Variants in NCOA2 observed in about 807,000 individuals in gnomAD.
NCOA2 encodes nuclear receptor coactivator 2, also known as class E basic helix-loop-helix protein 75.
NCOA2 carries 21 observed loss-of-function variants against 145.1 expected under a neutral mutation model. The ratio of observed to expected loss-of-function variants is 0.14; its 90% CI spans 0.10 to 0.21. NCOA2 has a LOEUF of 0.21. Ranked by LOEUF, NCOA2 falls within the 10% of genes least tolerant of loss-of-function variation. The pLI, the probability that NCOA2 is intolerant of heterozygous loss-of-function variation, is 1.00. For synonymous variants in NCOA2, 619 were observed against 637.5 expected (o/e 0.97, Z 0.44); for missense variants, 1,472 against 1,837.6 (o/e 0.80, Z 3.64).
chr8:70,138,530 A>G (rs1810005212), intron 14 of NCOA2, among the ~76,000 whole-genome samples, 198 bp from the exon 15 acceptor site: 1 of 152,256 alleles, frequency 6.6e-6, no homozygotes, highest in Non-Finnish European at 1.5e-5. Flanking sequence ...TTCAGAGAAT[A>G]TCTAGACAAG....
chr8:70,365,133 G>C (rs1209460231), intron 1 of NCOA2, among the ~76,000 whole-genome samples: 1 of 152,062 alleles, frequency 6.6e-6, no homozygotes, highest in Non-Finnish European at 1.5e-5. Context: ...AGGTGTTTGA[G>C]ACCAGCCTGG....
At chr8:70,430,745 G>A in the NCOA2 span, among the ~76,000 whole-genome samples, 1 of 152,178 alleles carries the variant, frequency 6.6e-6, no homozygotes, top group Non-Finnish European at 1.5e-5. Flanking sequence ...GAGTGAGGAG[G>A]AAGACACACA....
chr8:70,250,000 A>AGAC (rs1823000109), intron 2 of NCOA2, among the ~76,000 whole-genome samples: 4 of 150,678 alleles, frequency 2.7e-5, no homozygotes, highest in Non-Finnish European at 5.9e-5. Flanking sequence ...AAGAAGAAGA[A>AGAC]GACCAAAAAA....
At chr8:70,416,045 G>A in the NCOA2 span, among the ~76,000 whole-genome samples, 24 of 152,144 alleles carry the variant, frequency 1.6e-4, no homozygotes, top group Non-Finnish European at 3.5e-4. Context: ...TTAAGGATTT[G>A]GCTCATGCAA....
intron 1 of NCOA2, among the ~76,000 whole-genome samples, chr8:70,312,729 G>A (rs965353165): frequency 1.3e-5 from 2 of 152,128 alleles, no homozygotes; most frequent in African/African-American, 4.8e-5. Context: ...TAACACGACA[G>A]TGTCCCTTTT....
chr8:70,327,119 T>A (rs193075829), intron 1 of NCOA2, among the ~76,000 whole-genome samples: 9 of 152,368 alleles, frequency 5.9e-5, no homozygotes, highest in Non-Finnish European at 1.3e-4. Context: ...TCGAGGAGAT[T>A]AATACATTCG....
intron 11 of NCOA2, among the ~76,000 whole-genome samples, chr8:70,155,652 T>C (rs1398501397): frequency 6.6e-6 from 1 of 152,228 alleles, no homozygotes; most frequent in Non-Finnish European, 1.5e-5. Flanking sequence ...TTCAAGTTTG[T>C]TTACACAGTG....
At chr8:70,372,488 A>G (rs755117591) in intron 1 of NCOA2, among the ~76,000 whole-genome samples, 1 of 152,192 alleles carries the variant, frequency 6.6e-6, no homozygotes. Context: ...CTCTTTTCAG[A>G]GAATTGCCAC....
At chr8:70,135,522 T>C (rs1196630404) in intron 15 of NCOA2, among the ~76,000 whole-genome samples, 1 of 152,186 alleles carries the variant, frequency 6.6e-6, no homozygotes, top group African/African-American at 2.4e-5. Context: ...GCCTTGTGGC[T>C]TGGTGTTATA....
rs528705643 is a variant in NCOA2, at chr8:70,113,577, A to C, written c.*55T>G. ...AATAGACACAGCTCTCCAGACTGGAAGTGTTTTGAGCAAGTGAGCCCGGTC... is the reference window on the plus strand; with the variant it reads ...AATAGACACAGCTCTCCAGACTGGACGTGTTTTGAGCAAGTGAGCCCGGTC... On this transcript the variant is annotated 3_prime_UTR_variant, in exon 23 of 23. Coordinates refer to ENST00000452400, the MANE Select transcript of NCOA2 (RefSeq NM_006540.4). 973 of 1,541,670 alleles carry C rather than the reference A, an allele frequency of 6.3e-4. 9 individuals carry two copies. In the South Asian group the frequency reaches 0.011, roughly 17 times the overall value.
At chr8:70,418,956 A>G in the NCOA2 span, among the ~76,000 whole-genome samples, 1 of 152,178 alleles carries the variant, frequency 6.6e-6, no homozygotes, top group African/African-American at 2.4e-5. Context: ...AATGTGATGT[A>G]TCTGTAGTAA....
chr8:70,176,043 T>C (rs1362197713), intron 4 of NCOA2, among the ~76,000 whole-genome samples: 1 of 152,206 alleles, frequency 6.6e-6, no homozygotes, highest in Non-Finnish European at 1.5e-5. Flanking sequence ...AAGCTCAAAC[T>C]CAGTCACTAA....
intron 1 of NCOA2, among the ~76,000 whole-genome samples, chr8:70,335,242 A>G (rs1807485368): frequency 6.7e-6 from 1 of 150,084 alleles, no homozygotes; most frequent in African/African-American, 2.5e-5. Flanking sequence ...TGCCCCCCAT[A>G]CTGGCTTTTC....
intron 4 of NCOA2, among the ~76,000 whole-genome samples, chr8:70,211,351 C>T (rs763221166): frequency 1.7e-4 from 26 of 151,452 alleles, no homozygotes; most frequent in Non-Finnish European, 2.5e-4. Flanking sequence ...CCCAGCTACT[C>T]GGGAGGCTGA....
chr8:70,120,017 G>C (rs1289890588), intron 22 of NCOA2, among the ~76,000 whole-genome samples: 1 of 151,944 alleles, frequency 6.6e-6, no homozygotes. Flanking sequence ...CTACAGGCAC[G>C]TGCCACCACA....
chr8:70,411,514 G>T, the NCOA2 span, among the ~76,000 whole-genome samples: 2 of 152,214 alleles, frequency 1.3e-5, no homozygotes, highest in East Asian at 3.9e-4. Context: ...AAACTGTTTG[G>T]CAATATCCAT....
chr8:70,261,562 G>A lies in NCOA2; in HGVS notation c.-20+35182C>T, dbSNP rs541800508. Among the ~76,000 whole-genome samples the A allele has an allele frequency of 5.3e-4, 81 of 151,934 alleles. 1 individual carries two copies. The highest frequency in any genetic ancestry group is 7.1e-4 in the Non-Finnish European group (48 of 67,982). On this transcript the variant is annotated intron_variant, in intron 2 of 22. Transcript: ENST00000452400. ...CATATGTAAGTAACCTGCACATTGC[G>A]CACATGTACCCTAAAACTTAAAGTA...
intron 15 of NCOA2, among the ~76,000 whole-genome samples, chr8:70,133,639 G>A (rs1809413460): frequency 6.6e-6 from 1 of 152,080 alleles, no homozygotes; most frequent in Non-Finnish European, 1.5e-5. Context: ...ATGATGTTTT[G>A]GAGAAAATAA....
At chr8:70,432,214 G>A in the NCOA2 span, among the ~76,000 whole-genome samples, 1 of 152,224 alleles carries the variant, frequency 6.6e-6, no homozygotes, top group Non-Finnish European at 1.5e-5. Flanking sequence ...CAGTGAGGCT[G>A]AAGTAGACAG....
Sources: allele counts gnomAD v4.1 joint callset (sites outside exome capture counted in the v4.1 genomes callset), GRCh38; gene constraint gnomAD v4.1.1; transcripts MANE v1.5; gene names NCBI Gene and HGNC (gene_info 2026-07-23, HGNC 2026-07-21).